SNX14: variants seen among roughly 807,000 people sequenced by gnomAD.
SNX14 encodes sorting nexin-14.
SNX14 carries 93 observed loss-of-function variants against 133.8 expected under a neutral mutation model. The observed-to-expected ratio is 0.70, with a 90% CI of 0.59 to 0.83. The LOEUF is 0.83. SNX14 is among the 40% of genes least tolerant of loss of function. The probability of loss-of-function intolerance (pLI) is 0.00; values close to 1 mark genes in which losing one functional copy is unlikely to be tolerated. For synonymous variants in SNX14, 368 were observed against 365.6 expected, an observed-to-expected ratio of 1.01 and a Z score of -0.07; for missense variants, 945 against 1,094.9, an observed-to-expected ratio of 0.86 and a Z score of 1.93.
At chr6:85,511,758 G>T (rs1772901360) in intron 26 of SNX14, among the ~76,000 whole-genome samples, 1 of 152,166 alleles carries the variant, frequency 6.6e-6, no homozygotes, top group Non-Finnish European at 1.5e-5. Context: ...ATCCCACTTG[G>T]TGTATAATTC....
intron 26 of SNX14, among the ~76,000 whole-genome samples, chr6:85,510,476 T>C (rs928265415): frequency 6.6e-6 from 1 of 152,216 alleles, no homozygotes; most frequent in African/African-American, 2.4e-5. Context: ...TTTGTGTTCT[T>C]ATTGTTGAGT....
intron 23 of SNX14, among the ~76,000 whole-genome samples, chr6:85,515,861 G>A (rs762217034): frequency 1.3e-5 from 2 of 151,794 alleles, no homozygotes; most frequent in African/African-American, 4.8e-5. Context: ...TTTTCAGCAC[G>A]GTTTGCATTA....
At chr6:85,571,356 T>A (rs1158340639) in intron 4 of SNX14, among the ~76,000 whole-genome samples, 1 of 127,720 alleles carries the variant, frequency 7.8e-6, no homozygotes, top group African/African-American at 3.0e-5. Context: ...CAAGACTCCA[T>A]CTCAAAAAAA....
chr6:85,509,570 AGAAG>A (rs1327189355), intron 26 of SNX14, among the ~76,000 whole-genome samples: 1 of 152,208 alleles, frequency 6.6e-6, no homozygotes, highest in Non-Finnish European at 1.5e-5. Context: ...GAAACTGAGC[AGAAG>A]GAAGAGATTT....
chr6:85,545,590 T>A (rs1050397567), intron 12 of SNX14, among the ~76,000 whole-genome samples: 12 of 152,160 alleles, frequency 7.9e-5, no homozygotes, highest in Admixed American at 7.9e-4. Context: ...TAAGAAGATA[T>A]AACAATCTTA....
At chr6:85,578,128 A>C (rs1001920594) in intron 1 of SNX14, among the ~76,000 whole-genome samples, 1 of 152,188 alleles carries the variant, frequency 6.6e-6, no homozygotes, top group Non-Finnish European at 1.5e-5. Flanking sequence ...GAGGGAAAGA[A>C]GTACAAAAAA....
Position 85,543,607 on chromosome 6 carries a change from C to T in SNX14, c.1262G>A (p.Arg421Lys). 1 of 1,569,306 alleles carries T rather than the reference C, an allele frequency of 6.4e-7. No individual in the cohort carries two copies. Among genetic ancestry groups the T allele is most frequent in the Non-Finnish European group, 8.7e-7 (1 of 1,155,094 alleles). The change falls in exon 13 of 29, where the codon AGA (arginine) becomes AAA (lysine). Residue 421 changes from arginine (R) to lysine (K), a missense_variant and splice_region_variant. Arg to Lys is a conservative substitution (Grantham distance 26, BLOSUM62 2). Transcript: ENST00000314673. ...FDPFIVEEIQ[R>K]IAEGPYIDVV... The stretch of plus-strand genomic sequence containing the variant: ...CATTCTTATCGTCTTTGACTTACTT[C>T]TTTGAATCTCTTCTACAATGAAGGG...
rs186081146 is a variant in SNX14 at position 85,575,696 on chromosome 6, C to G, written c.141-1318G>C. Among the ~76,000 whole-genome samples the G allele has an allele frequency of 5.8e-4, 89 of 152,330 alleles. 3 individuals carry two copies. Among genetic ancestry groups the G allele is most frequent in the Admixed American group, 6.5e-4 (10 of 15,302 alleles). On this transcript the variant is annotated intron_variant, in intron 1 of 28. Coordinates refer to ENST00000314673, the MANE Select transcript of SNX14 (RefSeq NM_153816.6). The stretch of plus-strand genomic sequence containing the variant: ...ATGCTGCTGTTCAACAGATTCTATG[C>G]AGCCAGACAAAGGTAGTGAACTTTT...
Position 85,543,803 on chromosome 6 carries a change from A to G in SNX14, c.1109-43T>C, listed in dbSNP as rs199924400. On this transcript the variant is annotated intron_variant, in intron 12 of 28. Coordinates refer to ENST00000314673, the MANE Select transcript of SNX14 (RefSeq NM_153816.6). ...GAATAAGAAAAAATAATTTTAATAT[A>G]TAATTATTCATAAAAGCTTCAGTCC... 4.9e-6 allele frequency: 6 copies of G among 1,215,008 alleles called. No individual in the cohort carries two copies. The Admixed American group carries it at 1.6e-4, about 33-fold the overall frequency. The allele number at this position is 1,215,008 out of a possible 1,614,324, so 75.3% of individuals were successfully genotyped here.
chr6:85,567,413 A>T, intron 5 of SNX14, 121 bp downstream of exon 5: 1 of 735,470 alleles, frequency 1.4e-6, no homozygotes, highest in African/African-American at 1.9e-5. Flanking sequence ...TATTTTGGCT[A>T]AAAGGTCAAC....
chr6:85,589,810 A>G (rs1228674505), intron 1 of SNX14: 1 of 152,234 alleles, frequency 6.6e-6, no homozygotes, highest in Non-Finnish European at 1.5e-5. Context: ...CTTTTTCTAT[A>G]ACAATGACTG....
intron 13 of SNX14, 32 bp from the exon 14 acceptor site, chr6:85,543,338 T>C (rs1237658778): frequency 1.3e-6 from 2 of 1,519,166 alleles, no homozygotes; most frequent in Middle Eastern, 1.9e-4. Context: ...AGAAATTATT[T>C]ATAAATAGCA....
At chr6:85,550,777 G>A (rs1252795254) in intron 7 of SNX14, among the ~76,000 whole-genome samples, 1 of 151,526 alleles carries the variant, frequency 6.6e-6, no homozygotes, top group Non-Finnish European at 1.5e-5. Flanking sequence ...GGGATTATAG[G>A]CCTCAAAATT....
intron 15 of SNX14, 95 bp downstream of exon 15, chr6:85,541,890 C>A (rs888227928): frequency 2.3e-6 from 2 of 853,602 alleles, no homozygotes; most frequent in East Asian, 2.8e-5. Flanking sequence ...AACAATGGAA[C>A]CACATATTCA....
chr6:85,543,247 C>A lies in SNX14; in HGVS notation c.1324G>T (p.Ala442Ser). 1 of 1,602,226 alleles carries A rather than the reference C, an allele frequency of 6.2e-7. No individual in the cohort carries two copies. The highest frequency in any genetic ancestry group is 8.5e-7 in the Non-Finnish European group (1 of 1,175,424). The change falls in exon 14 of 29, where the codon GCA becomes TCA. Residue 442 changes from alanine to serine, a missense_variant. Coordinates refer to ENST00000314673, the MANE Select transcript of SNX14 (RefSeq NM_153816.6). ...KLQTMRCLFE[A>S]YEHVLSLLEN... ...AAAAGGGAAAGAACATGTTCATATGCTTCAAAAAGACATCTCATAGTTTGA... is the reference window on the plus strand; with the variant it reads ...AAAAGGGAAAGAACATGTTCATATGATTCAAAAAGACATCTCATAGTTTGA...
At chr6:85,577,290 T>C (rs1191645943) in intron 1 of SNX14, among the ~76,000 whole-genome samples, 1 of 152,096 alleles carries the variant, frequency 6.6e-6, no homozygotes, top group African/African-American at 2.4e-5. Flanking sequence ...TGGTGGCGCA[T>C]GCCTGTAATC....
At chr6:85,528,174 C>T in intron 20 of SNX14, 88 bp downstream of exon 20, 1 of 810,186 alleles carries the variant, frequency 1.2e-6, no homozygotes, top group Admixed American at 2.6e-5. Flanking sequence ...TATTTATAAA[C>T]CAAAGAACAT....
At chr6:85,578,720 G>A (rs1276051654) in intron 1 of SNX14, among the ~76,000 whole-genome samples, 1 of 152,172 alleles carries the variant, frequency 6.6e-6, no homozygotes, top group Non-Finnish European at 1.5e-5. Flanking sequence ...AACAACAGAA[G>A]AGGGACAACA....
In SNX14 at chr6:85,557,929, G is replaced by A. The variant is rs373354906; in HGVS notation, c.634+47C>T. ...ATTTAGATATTTCGGGTGAAAATTG[G>A]TGTATAAAAACAAAATTACTCAAAC... On this transcript the variant is annotated intron_variant, in intron 7 of 28. Coordinates refer to ENST00000314673, the MANE Select transcript of SNX14 (RefSeq NM_153816.6). 1.8e-4 allele frequency: 188 copies of A among 1,025,550 alleles called. 3 individuals are homozygous for A. Among genetic ancestry groups the A allele is most frequent in the South Asian group, 1.1e-3 (78 of 73,968 alleles). 63.5% of individuals were successfully genotyped at this position (1,025,550 alleles called of 1,614,324 possible). A position where few individuals can be genotyped will look rare whatever the true frequency, so the allele number is the denominator to read the frequency against.
Sources: allele counts gnomAD v4.1 joint callset (sites outside exome capture counted in the v4.1 genomes callset), GRCh38; gene constraint gnomAD v4.1.1; transcripts MANE v1.5; gene names NCBI Gene and HGNC (gene_info 2026-07-23, HGNC 2026-07-21).